Variants in TM9SF4 observed in about 807,000 individuals in gnomAD.
TM9SF4 encodes transmembrane 9 superfamily member 4, also known as dinucleotide oxidase disulfide thiol exchanger 3 superfamily member 4.
A neutral mutation model predicts 90.4 loss-of-function variants in TM9SF4; 26 were observed. The observed-to-expected ratio is 0.29, with a 90% CI of 0.21 to 0.40. TM9SF4 has a LOEUF of 0.40. TM9SF4 is among the 10% of genes least tolerant of loss of function. The pLI is 1.00. For missense variants in TM9SF4, 549 were observed against 834.8 expected, an observed-to-expected ratio of 0.66 and a Z score of 4.22; for synonymous variants, 293 against 315.4, an observed-to-expected ratio of 0.93 and a Z score of 0.75.
chr20:32,125,419 G>A (rs147217635), intron 1 of TM9SF4, among the ~76,000 whole-genome samples: 2 of 152,310 alleles, frequency 1.3e-5, no homozygotes, highest in East Asian at 1.9e-4. Context: ...ATTCATGTCT[G>A]TATGGCCCTC....
intron 17 of TM9SF4, among the ~76,000 whole-genome samples, chr20:32,165,040 G>T (rs562785549): frequency 2.7e-4 from 41 of 152,318 alleles, no homozygotes; most frequent in African/African-American, 9.6e-4. Context: ...GAAGGGCACA[G>T]CTGTGGCCAT....
intron 3 of TM9SF4, among the ~76,000 whole-genome samples, chr20:32,138,673 C>T (rs1436251894): frequency 6.6e-6 from 1 of 152,176 alleles, no homozygotes; most frequent in Non-Finnish European, 1.5e-5. Context: ...AAAACAAAAA[C>T]AAGAAATAGA....
At chr20:32,127,106 A>C (rs1406111958) in intron 1 of TM9SF4, among the ~76,000 whole-genome samples, 2 of 152,162 alleles carry the variant, frequency 1.3e-5, no homozygotes, top group African/African-American at 4.8e-5. Flanking sequence ...TTTAATCCTA[A>C]TATTGTTCAC....
chr20:32,156,474 G>A (rs1285069250), intron 13 of TM9SF4, among the ~76,000 whole-genome samples: 2 of 152,228 alleles, frequency 1.3e-5, no homozygotes, highest in Admixed American at 6.5e-5. Flanking sequence ...CATATATAAA[G>A]TGGCATAGTG....
intron 1 of TM9SF4, among the ~76,000 whole-genome samples, chr20:32,111,760 C>G (rs1193731249): frequency 6.6e-6 from 1 of 152,028 alleles, no homozygotes; most frequent in Non-Finnish European, 1.5e-5. Context: ...AAAGAATGTT[C>G]CAAGCAAAGG....
At chr20:32,123,866 A>ATATATATATATATTTTTTTTTTTTT in intron 1 of TM9SF4, among the ~76,000 whole-genome samples, 31 of 93,946 alleles carry the variant, frequency 3.3e-4, no homozygotes, top group East Asian at 2.9e-3. Context: ...ATATATATAT[A>ATATATATATATATTTTTTTTTTTTT]TTTTTTTTTT....
At position 32,161,329 on chromosome 20, in the gene TM9SF4, C is replaced by T. The variant is rs1300978898; in HGVS notation, c.1743C>T (p.Tyr581=). 8.1e-6 allele frequency: 13 copies of T among 1,613,900 alleles called. No homozygotes were observed. The highest frequency in any genetic ancestry group is 4.5e-5 in the East Asian group (2 of 44,896). ...TAGTCTCCGGGGGCTCTGCATTCTA[C>T]GTCCTGGTTTATGCCATCTTTTATT... The part of the protein sequence containing the change: ...NFLVSGGSAF[Y]VLVYAIFYFV... The change falls in exon 17 of 18, where the codon TAC becomes TAT. Residue 581 remains tyrosine (Y), a synonymous_variant. Transcript: ENST00000398022.
At chr20:32,124,891 A>C (rs2046396556) in intron 1 of TM9SF4, among the ~76,000 whole-genome samples, 1 of 152,160 alleles carries the variant, frequency 6.6e-6, no homozygotes, top group Non-Finnish European at 1.5e-5. Context: ...CCAGCCCTAC[A>C]AATTGTCTTT....
chr20:32,165,862 A>G lies in TM9SF4; in HGVS notation c.*418A>G, dbSNP rs1180062603. On this transcript the variant is annotated 3_prime_UTR_variant, in exon 18 of 18. Transcript: ENST00000398022. ...GTTCCTCAGGGCTGTTGGCCACCCTATGACTAACTGGAAGAGGACACGCCA... is the reference window on the plus strand; with the variant it reads ...GTTCCTCAGGGCTGTTGGCCACCCTGTGACTAACTGGAAGAGGACACGCCA... The G allele has an allele frequency of 3.8e-5, 7 of 182,294 alleles. No individual in the cohort carries two copies. Among genetic ancestry groups the G allele is most frequent in the Admixed American group, 3.4e-4 (6 of 17,822 alleles). 11.3% of individuals were successfully genotyped at this position (182,294 alleles called of 1,614,324 possible).
rs764776846 is a variant in TM9SF4, at chr20:32,122,258, A to AC, written c.16-10749dup. Among the ~76,000 whole-genome samples, 98 of 22,546 alleles carry AC rather than the reference A, an allele frequency of 4.3e-3. No individual in the cohort carries two copies. In the East Asian group the frequency reaches 0.045, roughly 10 times the overall value. The allele number at this position is 22,546 out of a possible 152,430, so 14.8% of individuals were successfully genotyped here. ...GGGCGGCTGGCCTGGCGGGGGGCTG[A>AC]CCCCCCACCTCCCTCCCGGACGGGG... On this transcript the variant is annotated intron_variant, in intron 1 of 17. Coordinates refer to ENST00000398022, the MANE Select transcript of TM9SF4 (RefSeq NM_014742.4).
chr20:32,157,651 G>A (rs2046947680), intron 13 of TM9SF4, 143 bp from the exon 14 acceptor site: 2 of 1,083,164 alleles, frequency 1.8e-6, no homozygotes, highest in African/African-American at 3.2e-5. Context: ...CTGGCCAGGA[G>A]CCCTGTGGTG....
At chr20:32,160,881 C>T (rs1025713288) in intron 16 of TM9SF4, among the ~76,000 whole-genome samples, 5 of 120,374 alleles carry the variant, frequency 4.2e-5, no homozygotes, top group Admixed American at 1.2e-4. Flanking sequence ...ACCCAGGAGG[C>T]GGAGGTTGCA....
intron 2 of TM9SF4, 58 bp from the exon 3 acceptor site, chr20:32,136,016 A>T: frequency 6.8e-7 from 1 of 1,470,050 alleles, no homozygotes. Context: ...TGTACTAAAG[A>T]TGTGTGGGTA....
chr20:32,150,936 T>C (rs2046833162), intron 12 of TM9SF4, 61 bp downstream of exon 12: 1 of 1,584,062 alleles, frequency 6.3e-7, no homozygotes, highest in Non-Finnish European at 8.6e-7. Flanking sequence ...CCTGGGCTCC[T>C]CAGGAGAAGG....
At chr20:32,114,801 G>C (rs566285834) in intron 1 of TM9SF4, among the ~76,000 whole-genome samples, 28 of 152,310 alleles carry the variant, frequency 1.8e-4, no homozygotes, top group Non-Finnish European at 3.8e-4. Flanking sequence ...AGGAACGCTG[G>C]AGCAGGAGCC....
intron 1 of TM9SF4, among the ~76,000 whole-genome samples, chr20:32,122,297 G>A (rs1248964183): frequency 6.6e-5 from 9 of 135,590 alleles, no homozygotes; most frequent in South Asian, 2.2e-4. Flanking sequence ...CTGGCCTGGC[G>A]GGGGGCTGAC....
At chr20:32,154,558 A>C (rs540675094) in intron 12 of TM9SF4, among the ~76,000 whole-genome samples, 2 of 152,268 alleles carry the variant, frequency 1.3e-5, no homozygotes, top group East Asian at 3.9e-4. Flanking sequence ...GGTTCAAGCA[A>C]TTCTCCAGCC....
chr20:32,140,331 G>C (rs1429291010), intron 3 of TM9SF4, among the ~76,000 whole-genome samples: 1 of 152,160 alleles, frequency 6.6e-6, no homozygotes, highest in African/African-American at 2.4e-5. Context: ...CACACAAGGG[G>C]TGCCACTTCA....
At chr20:32,132,477 C>T (rs1261631772) in intron 1 of TM9SF4, among the ~76,000 whole-genome samples, 3 of 151,932 alleles carry the variant, frequency 2.0e-5, no homozygotes, top group African/African-American at 7.3e-5. Flanking sequence ...GACGAAGGCC[C>T]TGAGGGGTGC....
Sources: gnomAD v4.1 joint callset for allele counts (sites outside exome capture counted in the v4.1 genomes callset) on GRCh38, gnomAD v4.1.1 for gene constraint, MANE v1.5 for transcripts, NCBI Gene and HGNC (gene_info 2026-07-23, HGNC 2026-07-21) for gene names.